Variants in SERPINA9 observed in about 807,000 individuals in gnomAD.
SERPINA9 encodes the protein serpin A9.
In SERPINA9, 32 loss-of-function variants were observed where a neutral mutation model predicts 24.5. The observed-to-expected ratio is 1.30, with a 90% CI of 0.98 to 1.75. The LOEUF is 1.75. Among genes scored for constraint, SERPINA9 ranks in the 40% most tolerant of loss-of-function variants. SERPINA9 has a pLI of 0.00. For synonymous variants in SERPINA9, 233 were observed against 197.7 expected (o/e 1.18, Z -1.50); for missense variants, 594 against 497.1 (o/e 1.19, Z -1.85).
intron 1 of SERPINA9, among the ~76,000 whole-genome samples, chr14:94,473,971 A>C (rs1466829906): frequency 2.0e-5 from 3 of 152,260 alleles, no homozygotes; most frequent in Admixed American, 6.5e-5. Context: ...CATCCAGCCC[A>C]TGGTGGGCAG....
chr14:94,463,010 C>T lies in SERPINA9; in HGVS notation c.*83G>A, dbSNP rs1898811447. 2.4e-6 allele frequency: 3 copies of T among 1,229,768 alleles called. No homozygotes were observed. The highest frequency in any genetic ancestry group is 3.4e-5 in the Admixed American group (2 of 58,256). The allele number at this position is 1,229,768 out of a possible 1,614,324, so 76.2% of individuals were successfully genotyped here. The stretch of plus-strand genomic sequence containing the variant: ...AATCCAGCTCCACTGGGGTCAAATG[C>T]ACCCTCAGAACAGAAAGAGGGATGT... On this transcript the variant is annotated 3_prime_UTR_variant, in exon 5 of 5. Coordinates refer to ENST00000674397, the MANE Select transcript of SERPINA9 (RefSeq NM_175739.4).
chr14:94,470,080 C>A (rs1396277223), intron 1 of SERPINA9: 4 of 774,898 alleles, frequency 5.2e-6, no homozygotes, highest in Non-Finnish European at 7.1e-6. Flanking sequence ...AGAGTCTGTG[C>A]AACTTACCCC....
At chr14:94,475,014 G>A (rs1899515585) in intron 1 of SERPINA9, among the ~76,000 whole-genome samples, 1 of 152,112 alleles carries the variant, frequency 6.6e-6, no homozygotes, top group Non-Finnish European at 1.5e-5. Context: ...GCATCTTTGA[G>A]GACCCAGCTG....
intron 2 of SERPINA9, 132 bp downstream of exon 2, chr14:94,469,081 A>T: frequency 2.6e-6 from 2 of 756,812 alleles, no homozygotes; most frequent in East Asian, 5.3e-5. Context: ...TTGCAAAGCT[A>T]ATTAGAGCTC....
chr14:94,475,749 A>T (rs1899592955), intron 1 of SERPINA9, among the ~76,000 whole-genome samples: 1 of 152,254 alleles, frequency 6.6e-6, no homozygotes, highest in East Asian at 1.9e-4. Context: ...CCTTGCTGTT[A>T]GTTTGGAAAC....
intron 4 of SERPINA9, 50 bp from the exon 5 acceptor site, chr14:94,463,346 T>C (rs759128027): frequency 1.3e-5 from 20 of 1,534,136 alleles, no homozygotes; most frequent in Non-Finnish European, 1.7e-5. Flanking sequence ...ACACTTTTAC[T>C]TAACTGAGTA....
intron 1 of SERPINA9, among the ~76,000 whole-genome samples, chr14:94,475,764 C>T (rs1241677408): frequency 6.6e-6 from 1 of 152,174 alleles, no homozygotes; most frequent in Non-Finnish European, 1.5e-5. Flanking sequence ...GGAAACTGTT[C>T]AAGTCTTGCT....
At chr14:94,468,953 C>T (rs1595667695) in intron 2 of SERPINA9, among the ~76,000 whole-genome samples, 1 of 152,114 alleles carries the variant, frequency 6.6e-6, no homozygotes, top group South Asian at 2.1e-4. Flanking sequence ...TGTGGGTTTC[C>T]CACTGAGTCA....
At chr14:94,463,936 T>G (rs1383369071) in intron 4 of SERPINA9, among the ~76,000 whole-genome samples, 1 of 152,180 alleles carries the variant, frequency 6.6e-6, no homozygotes, top group Non-Finnish European at 1.5e-5. Flanking sequence ...TGAAAACCAA[T>G]GACAAAGGTC....
At chr14:94,473,222 C>T (rs1899411994) in intron 1 of SERPINA9, among the ~76,000 whole-genome samples, 1 of 152,222 alleles carries the variant, frequency 6.6e-6, no homozygotes, top group South Asian at 2.1e-4. Flanking sequence ...AGCATTTACA[C>T]CAGCCTCAGA....
intron 3 of SERPINA9, among the ~76,000 whole-genome samples, chr14:94,465,463 T>C (rs1465318370): frequency 2.0e-5 from 3 of 152,218 alleles, no homozygotes; most frequent in Non-Finnish European, 4.4e-5. Context: ...CACCTGATAA[T>C]TTAGCACAAT....
intron 4 of SERPINA9, chr14:94,464,293 CTCTCTCTCTCTCTCT>C (rs1338157860): frequency 2.8e-5 from 6 of 213,704 alleles, no homozygotes; most frequent in African/African-American, 7.0e-5. Context: ...CTCTCTCTCT[CTCTCTCTCTCTCTCT>C]CTCTCTCTCT....
chr14:94,475,358 C>G (rs191516518), intron 1 of SERPINA9, among the ~76,000 whole-genome samples: 4 of 152,168 alleles, frequency 2.6e-5, no homozygotes, highest in African/African-American at 7.2e-5. Context: ...CTTTTTATTC[C>G]AGGGTGGAAT....
chr14:94,464,270 C>CCTCTCTCTCTCT (rs71129684), intron 4 of SERPINA9: 3 of 54,270 alleles, frequency 5.5e-5, no homozygotes, highest in Non-Finnish European at 1.2e-4. Context: ...CTTTAAAACT[C>CCTCTCTCTCTCT]CTCTCTCTCT....
rs1315112422 is a variant in SERPINA9, at chr14:94,467,233, G to A, written c.778C>T (p.Gln260Ter). The change falls in exon 3 of 5, where the codon CAG becomes TAG. Residue 260 changes from glutamine (Q) to a stop codon, truncating the protein, a stop_gained. Coordinates refer to ENST00000674397, the MANE Select transcript of SERPINA9 (RefSeq NM_175739.4). LOFTEE classifies it high-confidence loss of function. ...VDTELNCFVL[Q>*]MDYKGDAVAF... ...ACGGCATCTCCCTTGTAATCCATCT[G>A]CAGCACAAAGCAGTTCAGCTCTGTA... 3 of 1,614,072 alleles carry A rather than the reference G, an allele frequency of 1.9e-6. No individual in the cohort carries two copies. Among genetic ancestry groups the A allele is most frequent in the African/African-American group, 1.3e-5 (1 of 74,936 alleles).
At chr14:94,475,650 T>C (rs1899576722) in intron 1 of SERPINA9, among the ~76,000 whole-genome samples, 3 of 152,242 alleles carry the variant, frequency 2.0e-5, no homozygotes, top group South Asian at 2.1e-4. Flanking sequence ...CCAGTCCCCC[T>C]TCCTGGGCCT....
At chr14:94,473,953 C>A (rs1899448976) in intron 1 of SERPINA9, among the ~76,000 whole-genome samples, 1 of 152,242 alleles carries the variant, frequency 6.6e-6, no homozygotes. Flanking sequence ...GCAGAACGCC[C>A]AGTGCGGCAT....
chr14:94,467,660 C>A (rs1341023361), intron 2 of SERPINA9, among the ~76,000 whole-genome samples: 1 of 152,188 alleles, frequency 6.6e-6, no homozygotes, highest in Non-Finnish European at 1.5e-5. Context: ...AGTAAGGGCT[C>A]AAACCATACC....
chr14:94,464,307 CTCTCTCTCTCT>C, intron 4 of SERPINA9: 1 of 70,754 alleles, frequency 1.4e-5, no homozygotes. Context: ...CTCTCTCTCT[CTCTCTCTCTCT>C]CCTTACACAC....
Sources: allele counts gnomAD v4.1 joint callset (sites outside exome capture counted in the v4.1 genomes callset), GRCh38; gene constraint gnomAD v4.1.1; transcripts MANE v1.5; gene names NCBI Gene and HGNC (gene_info 2026-07-23, HGNC 2026-07-21).